ABCC9: variants seen among roughly 807,000 people sequenced by gnomAD.
ABCC9 encodes the protein ATP binding cassette subfamily C member 9, also known as ATP-binding cassette sub-family C member 9.
A neutral mutation model predicts 188.3 loss-of-function variants in ABCC9; 95 were observed. That is an observed-to-expected ratio of 0.50 (90% CI 0.43 to 0.60). The LOEUF (loss-of-function observed/expected upper bound fraction) is 0.60. ABCC9 is among the 20% of genes least tolerant of loss of function. The probability of loss-of-function intolerance (pLI) is 0.00; values close to 1 mark genes in which losing one functional copy is unlikely to be tolerated. For synonymous variants in ABCC9, 659 were observed against 652.7 expected (o/e 1.01, Z -0.15); for missense variants, 1,102 against 1,876.3 (o/e 0.59, Z 7.62).
intron 19 of ABCC9, among the ~76,000 whole-genome samples, chr12:21,863,597 T>C (rs1945635382): frequency 6.6e-6 from 1 of 152,182 alleles, no homozygotes; most frequent in Non-Finnish European, 1.5e-5. Context: ...AAATCGTGCA[T>C]GTAAAAACTG....
intron 14 of ABCC9, among the ~76,000 whole-genome samples, chr12:21,890,671 G>A (rs981413300): frequency 6.6e-6 from 1 of 151,978 alleles, no homozygotes; most frequent in Non-Finnish European, 1.5e-5. Context: ...TCCTTTGTAC[G>A]GACATGGATG....
At chr12:21,836,787 G>A (rs1258976956) in intron 30 of ABCC9, among the ~76,000 whole-genome samples, 1 of 152,066 alleles carries the variant, frequency 6.6e-6, no homozygotes, top group African/African-American at 2.4e-5. Flanking sequence ...GAAAAAGTGG[G>A]GGATGAACTG....
At chr12:21,842,194 G>A (rs998649901) in intron 29 of ABCC9, 120 bp downstream of exon 29, 5 of 1,265,248 alleles carry the variant, frequency 4.0e-6, no homozygotes, top group Non-Finnish European at 5.6e-6. Context: ...TTTGTGTTTT[G>A]GAACTTCGTG....
chr12:21,847,856 A>C (rs116774350), intron 25 of ABCC9, among the ~76,000 whole-genome samples: 3,767 of 152,156 alleles, frequency 0.025, 146 homozygotes, highest in African/African-American at 0.086. Flanking sequence ...GACAATTTCA[A>C]TTTTTCTGAA....
chr12:21,848,638 A>G (rs1172001335), intron 24 of ABCC9, among the ~76,000 whole-genome samples: 1 of 152,186 alleles, frequency 6.6e-6, no homozygotes, highest in Non-Finnish European at 1.5e-5. Flanking sequence ...TCTTCCTTCA[A>G]AAGAGCACAT....
Position 21,844,910 on chromosome 12 carries a change from G to A in ABCC9, c.3102C>T (p.Tyr1034=). ...INNTGKADQT[Y]YVAGFSILCG... ...AGAGTATGCTAAAGCCAGCCACATA[G>A]TAGGTCTAAAAAGCAACCAACACAA... Residue 1034 remains tyrosine (Y), a synonymous_variant, in exon 27 of 40, where the codon TAC becomes TAT. Coordinates refer to ENST00000261200, the MANE Select transcript of ABCC9 (RefSeq NM_020297.4). 1 of 1,613,708 alleles carries A rather than the reference G, an allele frequency of 6.2e-7. No individual in the cohort carries two copies. The highest frequency in any genetic ancestry group is 8.5e-7 in the Non-Finnish European group (1 of 1,179,730).
intron 29 of ABCC9, among the ~76,000 whole-genome samples, chr12:21,840,243 T>C (rs1359279293): frequency 6.6e-6 from 1 of 152,224 alleles, no homozygotes; most frequent in Non-Finnish European, 1.5e-5. Context: ...AAAAATGGCA[T>C]GTTAAGCTGC....
At chr12:21,862,736 A>C (rs552142802) in intron 20 of ABCC9, among the ~76,000 whole-genome samples, 11 of 152,224 alleles carry the variant, frequency 7.2e-5, no homozygotes, top group Non-Finnish European at 1.3e-4. Context: ...TTTGGTGTAC[A>C]AATTGTTCTC....
rs1322335430 is a variant in ABCC9, at chr12:21,936,623, C to T, written c.52G>A (p.Gly18Ser). The change falls in exon 3 of 40, where the codon GGT (glycine) becomes AGT (serine). Residue 18 changes from glycine (G) to serine (S), a missense_variant. Around this residue, in one of 12 missense-constraint regions of ABCC9, gnomAD observed 305 missense variants for 573.0 expected, o/e 0.53. Transcript: ENST00000261200. The stretch of plus-strand genomic sequence containing the variant: ...ACAAAGCAGGAATTTTGTAGTACAC[C>T]ATCGTTGATATTATATGAAGAAATG... ...NNISSYNINDGVLQNSCFVDA... is the reference protein window; with the variant it reads ...NNISSYNINDSVLQNSCFVDA... 4.3e-6 allele frequency: 7 copies of T among 1,611,028 alleles called. No homozygotes were observed. The highest frequency in any genetic ancestry group is 1.7e-4 in the Middle Eastern group (1 of 6,052).
intron 22 of ABCC9, among the ~76,000 whole-genome samples, chr12:21,855,423 TG>T (rs1174075458): frequency 6.6e-6 from 1 of 152,136 alleles, no homozygotes; most frequent in Non-Finnish European, 1.5e-5. Context: ...GGTTTCACCA[TG>T]TTGGTCAGGC....
Position 21,887,907 on chromosome 12 carries a change from CAA to C in ABCC9, c.1828_1829del (p.Leu610GlufsTer2), listed in dbSNP as rs776934642. 6.2e-6 allele frequency: 10 copies of C among 1,613,226 alleles called. No individual in the cohort carries two copies. Among genetic ancestry groups the C allele is most frequent in the Middle Eastern group, 1.6e-4 (1 of 6,078 alleles). On this transcript the variant is annotated frameshift_variant, in exon 15 of 40. Coordinates refer to ENST00000261200, the MANE Select transcript of ABCC9 (RefSeq NM_020297.4). LOFTEE classifies it high-confidence loss of function. ...ISVQKLNEFL[L>X]SDEIGDDSWR... ...AACTGTCGTCACCAATCTCATCACT[CAA>C]GAGAAACTCATTCAGCTTTTGAACA...
chr12:21,898,131 C>G (rs1947514880), intron 12 of ABCC9, among the ~76,000 whole-genome samples: 1 of 152,120 alleles, frequency 6.6e-6, no homozygotes, highest in Non-Finnish European at 1.5e-5. Context: ...GCACTCTGGC[C>G]TGGGTGATAG....
At position 21,861,020 on chromosome 12, in the gene ABCC9, G is replaced by A. The variant is rs753713460; in HGVS notation, c.2375C>T (p.Pro792Leu). ...TCCAAATGGTAATAAGTCAATATCT[G>A]GCTGAAGAGAACAGGCATCTGTGAC... ...KAVTDACSLQ[P>L]DIDLLPFGDQ... Residue 792 changes from proline (P) to leucine (L), a missense_variant, in exon 21 of 40, where the codon CCA becomes CTA. Around this residue, in one of 12 missense-constraint regions of ABCC9, gnomAD observed 31 missense variants for 78.8 expected, o/e 0.39. Coordinates refer to ENST00000261200, the MANE Select transcript of ABCC9 (RefSeq NM_020297.4). 1.9e-6 allele frequency: 3 copies of A among 1,613,580 alleles called. No homozygotes were observed. The highest frequency in any genetic ancestry group is 2.7e-5 in the African/African-American group (2 of 74,970).
At chr12:21,881,408 C>A (rs1360086838) in intron 16 of ABCC9, among the ~76,000 whole-genome samples, 2 of 152,040 alleles carry the variant, frequency 1.3e-5, no homozygotes, top group South Asian at 2.1e-4. Flanking sequence ...TGATAAGCAG[C>A]TATTTTTCTT....
Position 21,894,003 on chromosome 12 carries a change from C to CA in ABCC9, c.1802+28dup, listed in dbSNP as rs576461834. 6.1e-5 allele frequency: 99 copies of CA among 1,612,718 alleles called. No homozygotes were observed. In the African/African-American group the frequency reaches 1.0e-3, roughly 17 times the overall value. ...ACACGTCATTTCTATTATCAATAAGCAAAAAATGCCAGACACTTCAGTGCA... is the reference window on the plus strand; with the variant it reads ...ACACGTCATTTCTATTATCAATAAGCAAAAAAATGCCAGACACTTCAGTGCA... On this transcript the variant is annotated intron_variant, in intron 14 of 39. Coordinates refer to ENST00000261200, the MANE Select transcript of ABCC9 (RefSeq NM_020297.4).
chr12:21,818,063 T>C, intron 32 of ABCC9, 87 bp downstream of exon 32: 3 of 752,716 alleles, frequency 4.0e-6, no homozygotes. Context: ...TCTGTGCTCA[T>C]GTGTTCTCAA....
At chr12:21,915,966 TA>T in intron 6 of ABCC9, 56 bp from the exon 7 acceptor site, 1 of 1,540,954 alleles carries the variant, frequency 6.5e-7, no homozygotes. Flanking sequence ...TTCCACATAT[TA>T]AAAATAAAAT....
intron 27 of ABCC9, 76 bp from the exon 28 acceptor site, chr12:21,844,628 G>T: frequency 6.5e-7 from 1 of 1,549,432 alleles, no homozygotes. Flanking sequence ...GGGCATCTTA[G>T]TGTCATGAAA....
chr12:21,844,947 G>A, intron 26 of ABCC9, 32 bp from the exon 27 acceptor site: 1 of 1,611,468 alleles, frequency 6.2e-7, no homozygotes, highest in Non-Finnish European at 8.5e-7. Context: ...AAGCACATAG[G>A]AAATTATCAA....
Sources: gnomAD v4.1 joint callset for allele counts (sites outside exome capture counted in the v4.1 genomes callset) on GRCh38, gnomAD v4.1.1 for gene constraint, gnomAD v4.1.1 regional missense constraint, MANE v1.5 for transcripts, NCBI Gene and HGNC (gene_info 2026-07-23, HGNC 2026-07-21) for gene names.